Variants in ICA1 observed in about 807,000 individuals in gnomAD.
ICA1 encodes islet cell autoantigen 1, also known as 69 kDa islet cell autoantigen.
A neutral mutation model predicts 71.0 loss-of-function variants in ICA1; 40 were observed. The observed-to-expected ratio is 0.56, with a 90% CI of 0.44 to 0.73. The LOEUF (loss-of-function observed/expected upper bound fraction) is 0.73. Among genes scored for constraint, ICA1 ranks in the 30% least tolerant of loss-of-function variants. The pLI is 0.00. For missense variants in ICA1, 578 were observed against 576.5 expected (o/e 1.00, Z -0.03); for synonymous variants, 207 against 209.5 (o/e 0.99, Z 0.10).
rs372758220 is a variant in ICA1, at chr7:8,185,288, G to C, written c.580-26636C>G. Among the ~76,000 whole-genome samples, 294 of 152,252 alleles carry C rather than the reference G, an allele frequency of 1.9e-3. 2 individuals carry two copies. Among genetic ancestry groups the C allele is most frequent in the African/African-American group, 6.3e-3 (261 of 41,532 alleles). On this transcript the variant is annotated intron_variant, in intron 6 of 13. Transcript: ENST00000402384. ...AATGTACCTAATGTACAAAATTAGA[G>C]CAGACTTATGAAACTTTAAACCAAG...
chr7:8,148,817 T>C (rs1797885110), intron 8 of ICA1, among the ~76,000 whole-genome samples: 1 of 152,162 alleles, frequency 6.6e-6, no homozygotes, highest in Admixed American at 6.5e-5. Flanking sequence ...ACATTGAAGA[T>C]ATAAAGGGGC....
chr7:8,153,672 C>G (rs1349051716), intron 8 of ICA1, among the ~76,000 whole-genome samples: 1 of 152,062 alleles, frequency 6.6e-6, no homozygotes. Flanking sequence ...GCCATAAACT[C>G]TTAGTCTAAG....
chr7:8,252,249 G>A (rs1011369738), intron 1 of ICA1, among the ~76,000 whole-genome samples: 8 of 152,152 alleles, frequency 5.3e-5, no homozygotes, highest in Admixed American at 5.2e-4. Context: ...TTCAAAAGCT[G>A]AAGAATGAAG....
chr7:8,142,892 T>C (rs1187085194), intron 9 of ICA1, among the ~76,000 whole-genome samples: 2 of 152,218 alleles, frequency 1.3e-5, no homozygotes, highest in African/African-American at 4.8e-5. Context: ...AGTGAGAACT[T>C]GTCTTCATTC....
intron 6 of ICA1, among the ~76,000 whole-genome samples, chr7:8,189,990 A>G (rs898615277): frequency 3.3e-5 from 5 of 152,202 alleles, no homozygotes; most frequent in Admixed American, 3.3e-4. Context: ...CACTAATTGG[A>G]GGGACGGGCT....
rs1259952224 is a variant in ICA1, at chr7:8,144,808, C to T, written c.805-836G>A. Among the ~76,000 whole-genome samples, 3 of 152,198 alleles carry T rather than the reference C, an allele frequency of 2.0e-5. No individual in the cohort carries two copies. The highest frequency in any genetic ancestry group is 4.8e-5 in the African/African-American group (2 of 41,446). ...AATACAAAATAAACATCTCAGGATACTTATCCTTCTTATATTCTCAGAACT... is the reference window on the plus strand; with the variant it reads ...AATACAAAATAAACATCTCAGGATATTTATCCTTCTTATATTCTCAGAACT... On this transcript the variant is annotated intron_variant, in intron 8 of 13. Coordinates refer to ENST00000402384, the MANE Select transcript of ICA1 (RefSeq NM_001136020.3). This position sits in a 1 kb window ranked among gnomAD's most constrained non-coding sequence, Gnocchi z 4.5.
chr7:8,185,499 A>G (rs1160073161), intron 6 of ICA1, among the ~76,000 whole-genome samples: 1 of 152,208 alleles, frequency 6.6e-6, no homozygotes, highest in African/African-American at 2.4e-5. Context: ...AGCTTGATAG[A>G]AATGTAATTC....
chr7:8,130,063 C>T lies in ICA1; in HGVS notation c.1061-1921G>A, dbSNP rs1331351843. 2.0e-5 allele frequency among the ~76,000 whole-genome samples: 3 copies of T among 152,066 alleles called. No individual in the cohort carries two copies. The highest frequency in any genetic ancestry group is 4.4e-5 in the Non-Finnish European group (3 of 68,028). On this transcript the variant is annotated intron_variant, in intron 12 of 13. Transcript: ENST00000402384. This position sits in a 1 kb window ranked among gnomAD's most constrained non-coding sequence, Gnocchi z 4.2. ...CCTTTTTTATGGCTGCATAGTATTCCATGGTGTATATGTGCCACATTTTCT... is the reference window on the plus strand; with the variant it reads ...CCTTTTTTATGGCTGCATAGTATTCTATGGTGTATATGTGCCACATTTTCT...
intron 1 of ICA1, among the ~76,000 whole-genome samples, chr7:8,248,815 C>T (rs1807070972): frequency 1.3e-5 from 2 of 152,148 alleles, no homozygotes; most frequent in South Asian, 4.1e-4. Context: ...TAGAAACATC[C>T]CATAGTGAAA....
Position 8,218,503 on chromosome 7 carries a change from C to T in ICA1, c.381G>A (p.Arg127=). The T allele has an allele frequency of 6.2e-7, 1 of 1,613,916 alleles. No homozygotes were observed. The highest frequency in any genetic ancestry group is 8.5e-7 in the Non-Finnish European group (1 of 1,179,886). ...GACACAAAGGATTTCGTAAGGCCAA[C>T]CTAGACAAGAGGACAAAGCCACACT... ...GKALCFSSQQ[R]LALRNPLCRF... is the part of the protein sequence containing the mutation. Residue 127 remains arginine, a splice_region_variant and synonymous_variant, in exon 6 of 14, where the codon AGG becomes AGA. Transcript: ENST00000402384.
chr7:8,241,375 T>C (rs1182896617), intron 1 of ICA1, among the ~76,000 whole-genome samples: 4 of 152,216 alleles, frequency 2.6e-5, no homozygotes, highest in Non-Finnish European at 4.4e-5. Context: ...TGAGAGATTT[T>C]TGTCACCACC....
chr7:8,113,774 A>T lies in ICA1; in HGVS notation c.*149T>A, dbSNP rs894284092. ...TTATACCAAATAAGAGTAAATAATT[A>T]TACCAATATAAACAGGGCCGTTGAC... On this transcript the variant is annotated 3_prime_UTR_variant, in exon 14 of 14. Coordinates refer to ENST00000402384, the MANE Select transcript of ICA1 (RefSeq NM_001136020.3). The surrounding 1 kb of genome is among the most constrained non-coding windows in gnomAD (Gnocchi z 4.2). The T allele has an allele frequency of 3.0e-5, 22 of 744,154 alleles. No homozygotes were observed. Among genetic ancestry groups the T allele is most frequent in the Admixed American group, 2.4e-4 (9 of 37,696 alleles). 46.1% of individuals were successfully genotyped at this position (744,154 alleles called of 1,614,324 possible). A position where few individuals can be genotyped will look rare whatever the true frequency, so the allele number is the denominator to read the frequency against.
intron 6 of ICA1, among the ~76,000 whole-genome samples, chr7:8,216,346 G>C (rs1419919420): frequency 2.6e-5 from 4 of 152,152 alleles, no homozygotes; most frequent in Admixed American, 6.6e-5. Context: ...TTTAAAAAAA[G>C]ATTCTAAGTA....
chr7:8,227,214 G>A (rs1048128482), intron 4 of ICA1, among the ~76,000 whole-genome samples: 7 of 152,238 alleles, frequency 4.6e-5, no homozygotes, highest in African/African-American at 9.6e-5. Flanking sequence ...GAATCTGATC[G>A]GGTTTAAAAG....
intron 1 of ICA1, among the ~76,000 whole-genome samples, chr7:8,247,581 C>G (rs926858996): frequency 5.3e-5 from 8 of 152,164 alleles, no homozygotes; most frequent in Non-Finnish European, 1.2e-4. Flanking sequence ...AATGCTAAAA[C>G]AAGCCAGGTT....
At chr7:8,233,193 C>G (rs1198981108) in intron 2 of ICA1, among the ~76,000 whole-genome samples, 1 of 152,150 alleles carries the variant, frequency 6.6e-6, no homozygotes. Flanking sequence ...AGATAAGAGG[C>G]TGAAGAACAG....
intron 1 of ICA1, among the ~76,000 whole-genome samples, chr7:8,238,135 C>A (rs532327182): frequency 2.6e-5 from 4 of 152,224 alleles, no homozygotes; most frequent in Admixed American, 1.3e-4. Flanking sequence ...CTCTGAGATC[C>A]TGTATTCAAT....
intron 6 of ICA1, among the ~76,000 whole-genome samples, chr7:8,167,727 C>T (rs537201539): frequency 2.0e-5 from 3 of 152,194 alleles, no homozygotes; most frequent in Admixed American, 2.0e-4. Context: ...TTTTTATAGG[C>T]CAAATTCCAC....
At chr7:8,214,622 T>C (rs1304036129) in intron 6 of ICA1, among the ~76,000 whole-genome samples, 2 of 152,234 alleles carry the variant, frequency 1.3e-5, no homozygotes, top group Non-Finnish European at 2.9e-5. Context: ...GACTCACGCT[T>C]TCCCACCTCT....
Sources: gnomAD v4.1 joint callset for allele counts (sites outside exome capture counted in the v4.1 genomes callset) on GRCh38, gnomAD v4.1.1 for gene constraint, Gnocchi (gnomAD v3.1) non-coding constraint, MANE v1.5 for transcripts, NCBI Gene and HGNC (gene_info 2026-07-23, HGNC 2026-07-21) for gene names.